Variants in PCDH15 observed in about 807,000 individuals in gnomAD.
PCDH15 encodes protocadherin-15.
Under a neutral mutation model 178.5 loss-of-function variants are expected in PCDH15, and 129 were observed. The ratio of observed to expected loss-of-function variants is 0.72; its 90% confidence interval spans 0.63 to 0.84. The LOEUF (loss-of-function observed/expected upper bound fraction) is 0.84, where lower values mean the gene tolerates loss of function less well. Among genes scored for constraint, PCDH15 ranks in the 40% least tolerant of loss-of-function variants. The pLI, the probability that PCDH15 is intolerant of heterozygous loss-of-function variation, is 0.00. For synonymous variants in PCDH15, 800 were observed against 732.0 expected (o/e 1.09, Z -1.50); for missense variants, 2,230 against 2,099.9 (o/e 1.06, Z -1.21).
At chr10:53,976,252 G>A (rs1319610672) in intron 21 of PCDH15, among the ~76,000 whole-genome samples, 1 of 152,016 alleles carries the variant, frequency 6.6e-6, no homozygotes, top group African/African-American at 2.4e-5. Flanking sequence ...ATGAGTTATA[G>A]TACCATGCTT....
At chr10:55,093,634 C>T (rs889868498) in intron 2 of PCDH15, among the ~76,000 whole-genome samples, 4 of 151,998 alleles carry the variant, frequency 2.6e-5, no homozygotes, top group Admixed American at 6.6e-5. Context: ...GTCTTTAATC[C>T]ATCTTGAATT....
At chr10:54,156,098 T>A (rs561505170) in intron 13 of PCDH15, among the ~76,000 whole-genome samples, 1 of 152,172 alleles carries the variant, frequency 6.6e-6, no homozygotes, top group Non-Finnish European at 1.5e-5. Flanking sequence ...AAAACAATAC[T>A]ATAACTTTAA....
At chr10:55,041,002 C>A (rs1056006759) in intron 2 of PCDH15, among the ~76,000 whole-genome samples, 23 of 151,960 alleles carry the variant, frequency 1.5e-4, no homozygotes, top group African/African-American at 4.8e-4. Flanking sequence ...ATTAGCAATC[C>A]AATTATTACA....
chr10:55,265,597 T>G (rs1346270580), intron 1 of PCDH15, among the ~76,000 whole-genome samples: 1 of 151,940 alleles, frequency 6.6e-6, no homozygotes, highest in Non-Finnish European at 1.5e-5. Context: ...GGGATCCCAG[T>G]GACAAGAAGG....
At chr10:54,870,006 T>C (rs1489675053) in intron 3 of PCDH15, among the ~76,000 whole-genome samples, 2 of 152,206 alleles carry the variant, frequency 1.3e-5, no homozygotes, top group Admixed American at 1.3e-4. Context: ...AAACAACTTT[T>C]TAAACTGTTT....
intron 25 of PCDH15, among the ~76,000 whole-genome samples, chr10:53,909,791 A>T (rs756364799): frequency 6.6e-6 from 1 of 152,194 alleles, no homozygotes; most frequent in Non-Finnish European, 1.5e-5. Context: ...GTAAATGGGG[A>T]CAGTGCCACC....
intron 2 of PCDH15, among the ~76,000 whole-genome samples, chr10:55,553,446 G>T (rs1356742723): frequency 6.6e-6 from 1 of 151,588 alleles, no homozygotes; most frequent in Non-Finnish European, 1.5e-5. Flanking sequence ...TGAACAAAGT[G>T]GTGTTTTTTA....
chr10:55,315,656 A>G (rs1271099755), intron 1 of PCDH15, among the ~76,000 whole-genome samples: 2 of 152,140 alleles, frequency 1.3e-5, no homozygotes, highest in East Asian at 1.9e-4. Flanking sequence ...TATGCAGGGG[A>G]AAAATGTCCA....
intron 3 of PCDH15, among the ~76,000 whole-genome samples, chr10:54,494,853 A>AAAG (rs151053239): frequency 0.022 from 3,313 of 152,180 alleles, 119 homozygotes; most frequent in African/African-American, 0.075. Flanking sequence ...ACAAGAAGTA[A>AAAG]AAGAGGATGT....
chr10:53,994,053 G>A (rs893256514), intron 21 of PCDH15, among the ~76,000 whole-genome samples: 2 of 152,210 alleles, frequency 1.3e-5, no homozygotes, highest in East Asian at 1.9e-4. Flanking sequence ...GCTTCAAAGT[G>A]TAAAAACAGA....
chr10:54,832,630 T>C (rs1210771335), intron 3 of PCDH15, among the ~76,000 whole-genome samples: 1 of 152,202 alleles, frequency 6.6e-6, no homozygotes, highest in Non-Finnish European at 1.5e-5. Context: ...TTATCTACTT[T>C]ATTTCCCACA....
intron 1 of PCDH15, among the ~76,000 whole-genome samples, chr10:54,740,139 C>T (rs1323766614): frequency 6.6e-6 from 1 of 151,820 alleles, no homozygotes; most frequent in Non-Finnish European, 1.5e-5. Context: ...ATCCATCTGA[C>T]AAAAGGGTTA....
chr10:55,020,017 T>A (rs1446987068), intron 2 of PCDH15, among the ~76,000 whole-genome samples: 2 of 151,506 alleles, frequency 1.3e-5, no homozygotes, highest in African/African-American at 4.8e-5. Flanking sequence ...TTTTGGAAAT[T>A]CTCAGCAGAG....
intron 25 of PCDH15, among the ~76,000 whole-genome samples, chr10:53,919,935 A>C (rs1039672862): frequency 6.6e-5 from 10 of 152,278 alleles, no homozygotes; most frequent in African/African-American, 2.2e-4. Context: ...GGGACAGGGA[A>C]AGCAAACCTA....
intron 5 of PCDH15, among the ~76,000 whole-genome samples, chr10:54,364,731 A>T (rs1764889327): frequency 6.6e-6 from 1 of 152,164 alleles, no homozygotes; most frequent in South Asian, 2.1e-4. Flanking sequence ...ACTCTCACAC[A>T]GTTTGGTCAG....
intron 5 of PCDH15, among the ~76,000 whole-genome samples, chr10:54,355,396 G>A (rs1407361541): frequency 6.6e-6 from 1 of 151,606 alleles, no homozygotes; most frequent in African/African-American, 2.4e-5. Context: ...TTATTTTACA[G>A]AAGGAGAAAT....
chr10:54,219,099 A>C (rs923756590), intron 9 of PCDH15, among the ~76,000 whole-genome samples: 8 of 142,530 alleles, frequency 5.6e-5, no homozygotes, highest in East Asian at 2.0e-4. Flanking sequence ...TAAAAAAAAA[A>C]AAAAAAAACA....
chr10:54,581,475 A>G (rs2091034115), intron 2 of PCDH15, among the ~76,000 whole-genome samples: 1 of 152,168 alleles, frequency 6.6e-6, no homozygotes, highest in Non-Finnish European at 1.5e-5. Context: ...ATGGAAGGTA[A>G]GAATGAGTAT....
intron 2 of PCDH15, among the ~76,000 whole-genome samples, chr10:55,326,047 T>C (rs1354620120): frequency 6.6e-6 from 1 of 152,140 alleles, no homozygotes; most frequent in Non-Finnish European, 1.5e-5. Flanking sequence ...TGATATCATC[T>C]CACATGAGTC....
Sources: allele counts gnomAD v4.1 joint callset (sites outside exome capture counted in the v4.1 genomes callset), GRCh38; gene constraint gnomAD v4.1.1; transcripts MANE v1.5; gene names NCBI Gene and HGNC (gene_info 2026-07-23, HGNC 2026-07-21).